Variants in STXBP5 observed in about 807,000 individuals in gnomAD.
The protein encoded by STXBP5 is syntaxin binding protein 5.
STXBP5 carries 50 observed loss-of-function variants against 152.4 expected under a neutral mutation model. That is an observed-to-expected ratio of 0.33 (90% CI 0.26 to 0.42). The LOEUF (loss-of-function observed/expected upper bound fraction) is 0.42. Ranked by LOEUF, STXBP5 falls within the 10% of genes least tolerant of loss-of-function variation. STXBP5 has a pLI of 1.00. For synonymous variants in STXBP5, 492 were observed against 494.7 expected, an observed-to-expected ratio of 0.99 and a Z score of 0.07; for missense variants, 1,167 against 1,388.6, an observed-to-expected ratio of 0.84 and a Z score of 2.54.
In STXBP5 at chr6:147,323,395, C is replaced by CT. The variant is rs1245885825; in HGVS notation, c.1803-1552dup. Reference sequence around the variant, plus strand: ...CAACCTTCATTGGCCTTTAATTCTTCTTTTTTTTTTTTGGAGACGGAGATC... The same window carrying CT: ...CAACCTTCATTGGCCTTTAATTCTTCTTTTTTTTTTTTTGGAGACGGAGATC... On this transcript the variant is annotated intron_variant, in intron 16 of 27. Coordinates refer to ENST00000321680, the MANE Select transcript of STXBP5 (RefSeq NM_001127715.4). Among the ~76,000 whole-genome samples, 1,188 of 146,144 alleles carry CT rather than the reference C, an allele frequency of 8.1e-3. 5 individuals carry two copies. Among genetic ancestry groups the CT allele is most frequent in the Non-Finnish European group, 9.9e-3 (654 of 66,000 alleles).
chr6:147,288,475 G>A (rs1781107954), intron 8 of STXBP5, among the ~76,000 whole-genome samples: 1 of 152,154 alleles, frequency 6.6e-6, no homozygotes, highest in Admixed American at 6.5e-5. Context: ...TCATGTTACT[G>A]AAGTTCAGTA....
At chr6:147,312,956 A>C (rs1782458476) in intron 11 of STXBP5, among the ~76,000 whole-genome samples, 1 of 152,198 alleles carries the variant, frequency 6.6e-6, no homozygotes, top group African/African-American at 2.4e-5. Flanking sequence ...CATTTTATTT[A>C]GCAAAAGTAT....
rs77490358 is a variant in STXBP5, at chr6:147,353,907, C to T, written c.2305+534C>T. On this transcript the variant is annotated intron_variant, in intron 22 of 27. Coordinates refer to ENST00000321680, the MANE Select transcript of STXBP5 (RefSeq NM_001127715.4). ...TGAAAGCAGGATGAATATATTCACA[C>T]ATTCATTTTGCTTTATATCTAACCC... Among the ~76,000 whole-genome samples the T allele has an allele frequency of 7.2e-3, 1,098 of 152,250 alleles. 13 individuals are homozygous for T. Among genetic ancestry groups the T allele is most frequent in the African/African-American group, 0.025 (1,053 of 41,558 alleles).
intron 9 of STXBP5, among the ~76,000 whole-genome samples, chr6:147,295,217 G>A (rs765313071): frequency 6.6e-6 from 1 of 152,026 alleles, no homozygotes; most frequent in East Asian, 1.9e-4. Flanking sequence ...GTGTCAGTGG[G>A]GCCAGATTTT....
chr6:147,374,373 T>C (rs1295228648), intron 26 of STXBP5, among the ~76,000 whole-genome samples: 3 of 150,426 alleles, frequency 2.0e-5, no homozygotes, highest in African/African-American at 7.3e-5. Flanking sequence ...TATCCTTTGA[T>C]TTTTTTTTTC....
At chr6:147,321,155 T>G (rs1782918076) in intron 16 of STXBP5, among the ~76,000 whole-genome samples, 1 of 152,194 alleles carries the variant, frequency 6.6e-6, no homozygotes, top group Non-Finnish European at 1.5e-5. Flanking sequence ...TTTTTTTCTT[T>G]TAATAGTCTT....
chr6:147,373,926 G>T, intron 26 of STXBP5, 84 bp downstream of exon 26: 1 of 798,978 alleles, frequency 1.3e-6, no homozygotes, highest in Non-Finnish European at 2.0e-6. Flanking sequence ...TGTAAATTAT[G>T]TTCACTTTTT....
At chr6:147,250,455 A>T (rs1169891042) in intron 4 of STXBP5, among the ~76,000 whole-genome samples, 1 of 152,226 alleles carries the variant, frequency 6.6e-6, no homozygotes, top group Non-Finnish European at 1.5e-5. Context: ...TTGTATTGGC[A>T]TTGTAAGTAA....
In STXBP5 at chr6:147,356,243, A is replaced by G. The variant is rs776933720; in HGVS notation, c.2306-2841A>G. 2.0e-5 allele frequency among the ~76,000 whole-genome samples: 3 copies of G among 152,208 alleles called. No individual in the cohort carries two copies. In the South Asian group the frequency reaches 6.2e-4, roughly 32 times the overall value. On this transcript the variant is annotated intron_variant, in intron 22 of 27. Coordinates refer to ENST00000321680, the MANE Select transcript of STXBP5 (RefSeq NM_001127715.4). Reference sequence around the variant, plus strand: ...ATCACCTCTTGTAATTTTAATAGTTATCAGTAAGAGTTTTTCTACAGGTTA... The same window carrying G: ...ATCACCTCTTGTAATTTTAATAGTTGTCAGTAAGAGTTTTTCTACAGGTTA...
intron 26 of STXBP5, among the ~76,000 whole-genome samples, chr6:147,379,260 G>A (rs970244041): frequency 3.9e-5 from 6 of 152,080 alleles, no homozygotes; most frequent in Non-Finnish European, 8.8e-5. Context: ...CCAGGGATTA[G>A]AATGTAGCCA....
chr6:147,233,993 A>C (rs971308770), intron 2 of STXBP5, among the ~76,000 whole-genome samples: 2 of 151,438 alleles, frequency 1.3e-5, no homozygotes, highest in African/African-American at 4.8e-5. Context: ...ATTGCTAGTA[A>C]TAAATGGAAA....
intron 25 of STXBP5, among the ~76,000 whole-genome samples, chr6:147,368,712 A>G (rs1053058907): frequency 2.0e-5 from 3 of 152,090 alleles, no homozygotes; most frequent in African/African-American, 4.8e-5. Flanking sequence ...AAAATCTACC[A>G]TAAAGGATAC....
chr6:147,256,278 A>G (rs908668796), intron 4 of STXBP5, among the ~76,000 whole-genome samples: 18 of 152,242 alleles, frequency 1.2e-4, no homozygotes, highest in African/African-American at 4.3e-4. Context: ...ACAGAAAGAT[A>G]GTCTCTGCCT....
intron 21 of STXBP5, among the ~76,000 whole-genome samples, chr6:147,341,750 T>C (rs530268883): frequency 4.6e-5 from 7 of 152,042 alleles, no homozygotes; most frequent in African/African-American, 1.7e-4. Context: ...GCATGGGAAA[T>C]CAACCACCCT....
intron 2 of STXBP5, among the ~76,000 whole-genome samples, chr6:147,213,434 ATGTGTGTGTGTGTGTGTGTGTG>A (rs1159372834): frequency 7.0e-5 from 6 of 85,536 alleles, no homozygotes; most frequent in Non-Finnish European, 1.2e-4. Flanking sequence ...AATTTTATAT[ATGTGTGTGTGTGTGTGTGTGTG>A]TGTGTGTGTG....
At chr6:147,242,868 T>C (rs989192746) in intron 4 of STXBP5, among the ~76,000 whole-genome samples, 10 of 152,180 alleles carry the variant, frequency 6.6e-5, no homozygotes, top group African/African-American at 2.4e-4. Context: ...ATATAGCATG[T>C]AGCTTTTTTA....
At chr6:147,274,594 T>C (rs1780347965) in intron 7 of STXBP5, among the ~76,000 whole-genome samples, 2 of 152,172 alleles carry the variant, frequency 1.3e-5, no homozygotes, top group Non-Finnish European at 2.9e-5. Flanking sequence ...ATTATTTATA[T>C]GTGTAAGAAA....
chr6:147,258,417 C>G (rs1779481634), intron 4 of STXBP5, among the ~76,000 whole-genome samples: 1 of 152,066 alleles, frequency 6.6e-6, no homozygotes, highest in Non-Finnish European at 1.5e-5. Context: ...ACACGCATAA[C>G]ACATAGTTTT....
chr6:147,314,539 T>G, intron 13 of STXBP5, 57 bp from the exon 14 acceptor site: 2 of 1,566,838 alleles, frequency 1.3e-6, no homozygotes, highest in Non-Finnish European at 1.7e-6. Flanking sequence ...CAGTACCCAT[T>G]TAAAGAAGGA....
Sources: allele counts gnomAD v4.1 joint callset (sites outside exome capture counted in the v4.1 genomes callset), GRCh38; gene constraint gnomAD v4.1.1; transcripts MANE v1.5; gene names NCBI Gene and HGNC (gene_info 2026-07-23, HGNC 2026-07-21).